USP9X: variants seen among roughly 807,000 people sequenced by gnomAD.
USP9X encodes the protein ubiquitin carboxyl-terminal hydrolase 9X.
In USP9X, 7 loss-of-function variants were observed where a neutral mutation model predicts 190.3. The observed-to-expected ratio is 0.04, with a 90% confidence interval of 0.02 to 0.07. The LOEUF (loss-of-function observed/expected upper bound fraction) is 0.07. USP9X is among the 10% of genes least tolerant of loss of function. The pLI is 1.00. For missense variants in USP9X, 1,010 were observed against 1,916.9 expected (o/e 0.53, Z 8.83); for synonymous variants, 645 against 659.5 (o/e 0.98, Z 0.34).
Position 41,236,137 on chromosome X carries a change from TC to T in USP9X, c.*3617del, listed in dbSNP as rs1483829919. ...ACATACTGCCGATAAAGGAAAACAC[TC>T]CCCTACACCCCAGTTTTTGTGTTAC... is the stretch of plus-strand genomic sequence containing the variant. On this transcript the variant is annotated 3_prime_UTR_variant, in exon 45 of 45. Coordinates refer to ENST00000378308, the MANE Select transcript of USP9X (RefSeq NM_001039591.3). 1 of 110,072 alleles carries T rather than the reference TC, an allele frequency of 9.1e-6. No individual in the cohort carries two copies. Among genetic ancestry groups the T allele is most frequent in the Non-Finnish European group, 1.9e-5 (1 of 52,644 alleles). 9.1% of individuals were successfully genotyped at this position (110,072 alleles called of 1,213,427 possible).
At chrX:41,210,384 TA>T in intron 32 of USP9X, 124 bp from the exon 33 acceptor site, 1 of 686,689 alleles carries the variant, frequency 1.5e-6, no homozygotes. Context: ...AATTGAGGAA[TA>T]AAATCTCGGT....
In USP9X at chrX:41,201,100, T is replaced by C. The variant is rs772551426; in HGVS notation, c.4644T>C (p.Val1548=). 53 of 1,209,972 alleles carry C rather than the reference T, an allele frequency of 4.4e-5. No homozygotes were observed. In the South Asian group the frequency reaches 9.0e-4, roughly 20 times the overall value. ...ALTEWEYLPP[V]GPRPPKGFVG... ...CTGAGTGGGAATATCTGCCACCTGT[T>C]GGACCCCGCCCACCCAAAGGATTCG... Residue 1548 remains valine (V), a synonymous_variant, in exon 31 of 45, where the codon GTT becomes GTC. Coordinates refer to ENST00000378308, the MANE Select transcript of USP9X (RefSeq NM_001039591.3).
chrX:41,216,442 A>G lies in USP9X; in HGVS notation c.5875A>G (p.Ile1959Val), dbSNP rs748796919. 3.3e-6 allele frequency: 4 copies of G among 1,209,580 alleles called. No homozygotes were observed. In the Admixed American group the frequency reaches 6.6e-5, roughly 20 times the overall value. The change falls in exon 35 of 45, where the codon ATA becomes GTA. Residue 1959 changes from isoleucine to valine, a missense_variant. Ile to Val is a conservative substitution (Grantham distance 29, BLOSUM62 3). Coordinates refer to ENST00000378308, the MANE Select transcript of USP9X (RefSeq NM_001039591.3). ...YILFYERMDT[I>V]DQDDELIRYI... Reference sequence around the variant, plus strand: ...ACTTTTTTATGAACGAATGGACACAATAGACCAAGATGATGAGTTGATAAG... The same window carrying G: ...ACTTTTTTATGAACGAATGGACACAGTAGACCAAGATGATGAGTTGATAAG...
At chrX:41,135,661 C>T (rs2062366012) in intron 5 of USP9X, among the ~76,000 whole-genome samples, 1 of 111,916 alleles carries the variant, frequency 8.9e-6, no homozygotes, top group South Asian at 3.7e-4. Flanking sequence ...GACGGAGTCT[C>T]ACTCTGTCTC....
At chrX:41,125,680 A>ACTCTCTCTCT (rs1270231301) in intron 2 of USP9X, among the ~76,000 whole-genome samples, 27 of 26,627 alleles carry the variant, frequency 1.0e-3, no homozygotes, top group African/African-American at 2.4e-3. Context: ...ACACACACAC[A>ACTCTCTCTCT]CACACTCTCT....
intron 18 of USP9X, 82 bp from the exon 19 acceptor site, chrX:41,169,909 TGTTA>T: frequency 1.9e-6 from 2 of 1,058,543 alleles, no homozygotes; most frequent in Non-Finnish European, 2.6e-6. Context: ...AAATACTTAG[TGTTA>T]AATCCCCAGC....
chrX:41,225,829 T>C (rs2063307670), intron 41 of USP9X, among the ~76,000 whole-genome samples: 3 of 112,904 alleles, frequency 2.7e-5, no homozygotes, highest in African/African-American at 9.7e-5. Context: ...ATAAGGCACA[T>C]CACAGCCTTC....
intron 14 of USP9X, among the ~76,000 whole-genome samples, chrX:41,156,394 A>AT (rs1419140032): frequency 8.9e-6 from 1 of 111,782 alleles, no homozygotes; most frequent in African/African-American, 3.3e-5. Context: ...GGCTACTGGC[A>AT]TTTCTGATCC....
chrX:41,095,138 G>A (rs188493822), intron 1 of USP9X, among the ~76,000 whole-genome samples: 16 of 111,720 alleles, frequency 1.4e-4, no homozygotes, highest in African/African-American at 4.9e-4. Context: ...GGCACCAGAG[G>A]GTATATAAAG....
chrX:41,096,809 C>T (rs1362291546), intron 1 of USP9X, among the ~76,000 whole-genome samples: 3 of 111,954 alleles, frequency 2.7e-5, no homozygotes, highest in Non-Finnish European at 3.8e-5. Flanking sequence ...CTTGGGTCTT[C>T]ATGACTCTGT....
chrX:41,140,847 C>G, intron 7 of USP9X, 76 bp downstream of exon 7: 1 of 1,086,506 alleles, frequency 9.2e-7, no homozygotes, highest in East Asian at 3.2e-5. Flanking sequence ...TTGAGTTTTT[C>G]AAGTGTGGTT....
Position 41,210,726 on chromosome X carries a change from T to C in USP9X, c.5189+44T>C, listed in dbSNP as rs764929582. On this transcript the variant is annotated intron_variant, in intron 33 of 44. Coordinates refer to ENST00000378308, the MANE Select transcript of USP9X (RefSeq NM_001039591.3). The stretch of plus-strand genomic sequence containing the variant: ...TTGAAAGTATATGTTGTACCATGTA[T>C]ATACTAACAGAAATAAAATTTTTAC... The C allele has an allele frequency of 2.0e-5, 23 of 1,150,185 alleles. No homozygotes were observed. In the Admixed American group the frequency reaches 5.7e-4, roughly 29 times the overall value. 94.8% of individuals were successfully genotyped at this position (1,150,185 alleles called of 1,213,427 possible).
rs757930288 is a variant in USP9X, at chrX:41,204,873, A to G, written c.4825-430A>G. Among the ~76,000 whole-genome samples, 48 of 112,096 alleles carry G rather than the reference A, an allele frequency of 4.3e-4. 1 individual carries two copies. The highest frequency in any genetic ancestry group is 2.2e-3 in the South Asian group (6 of 2,723). On this transcript the variant is annotated intron_variant, in intron 31 of 44. Transcript: ENST00000378308. Reference sequence around the variant, plus strand: ...CTGTCATTAAGCAAAGAATGACTATACTGATATAGGTATATTTTATTGACA... The same window carrying G: ...CTGTCATTAAGCAAAGAATGACTATGCTGATATAGGTATATTTTATTGACA...
Position 41,085,784 on chromosome X carries a change from A to T in USP9X, c.-484A>T. 1 of 299,545 alleles carries T rather than the reference A, an allele frequency of 3.3e-6. No individual in the cohort carries two copies. 24.7% of individuals were successfully genotyped at this position (299,545 alleles called of 1,213,427 possible). On this transcript the variant is annotated 5_prime_UTR_variant, in exon 1 of 45. Coordinates refer to ENST00000378308, the MANE Select transcript of USP9X (RefSeq NM_001039591.3). ...GAGGAGGAGCAGGAGGAGGTGACGC[A>T]GGAGAAACGCACCGCCCGGAGCCCG...
chrX:41,093,320 G>A (rs1020321506), intron 1 of USP9X, among the ~76,000 whole-genome samples: 9 of 112,368 alleles, frequency 8.0e-5, no homozygotes, highest in Non-Finnish European at 1.3e-4. Flanking sequence ...TGCTGTATTT[G>A]TACGGCAGTA....
rs540196101 is a variant in USP9X, at chrX:41,119,310, G to A, written c.-158-4161G>A. On this transcript the variant is annotated intron_variant, in intron 1 of 44. Coordinates refer to ENST00000378308, the MANE Select transcript of USP9X (RefSeq NM_001039591.3). ...GAGAATTGCTTGAGCCCAGGATCTC[G>A]TGACCAGCCTGGGTCTCAAAACAAC... Among the ~76,000 whole-genome samples, 3 of 111,048 alleles carry A rather than the reference G, an allele frequency of 2.7e-5. No individual in the cohort carries two copies. In the South Asian group the frequency reaches 1.1e-3, roughly 42 times the overall value.
At chrX:41,161,572 G>A (rs1293620454) in intron 14 of USP9X, among the ~76,000 whole-genome samples, 1 of 102,587 alleles carries the variant, frequency 9.7e-6, no homozygotes, top group Non-Finnish European at 2.0e-5. Flanking sequence ...CTGACCTCAG[G>A]TAATCCGCCT....
At position 41,235,341 on chromosome X, in the gene USP9X, A is replaced by G. The variant is rs1206229333; in HGVS notation, c.*2817A>G. On this transcript the variant is annotated 3_prime_UTR_variant, in exon 45 of 45. Transcript: ENST00000378308. ...ATGGTGATTTTGAGGTCTTTTTCTG[A>G]ACACAAGTGGCACATTTTAAATTTC... The G allele has an allele frequency of 3.5e-5, 4 of 113,132 alleles. No homozygotes were observed. Among genetic ancestry groups the G allele is most frequent in the Non-Finnish European group, 5.6e-5 (3 of 53,370 alleles). 9.3% of individuals were successfully genotyped at this position (113,132 alleles called of 1,213,427 possible).
chrX:41,106,113 G>A (rs1470921242), intron 1 of USP9X, among the ~76,000 whole-genome samples: 1 of 111,868 alleles, frequency 8.9e-6, no homozygotes, highest in African/African-American at 3.3e-5. Flanking sequence ...GTTCTTCGGA[G>A]CACAGAAATT....
Sources: gnomAD v4.1 joint callset for allele counts (sites outside exome capture counted in the v4.1 genomes callset) on GRCh38, gnomAD v4.1.1 for gene constraint, MANE v1.5 for transcripts, NCBI Gene and HGNC (gene_info 2026-07-23, HGNC 2026-07-21) for gene names.